HERC3: variants seen among roughly 807,000 people sequenced by gnomAD.
HERC3 encodes the protein HECT and RLD domain containing E3 ubiquitin protein ligase 3.
A neutral mutation model predicts 129.9 loss-of-function variants in HERC3; 58 were observed. The ratio of observed to expected loss-of-function variants is 0.45; its 90% CI spans 0.36 to 0.56. The LOEUF is 0.56. HERC3 is among the 20% of genes least tolerant of loss of function. The probability of loss-of-function intolerance (pLI) is 0.00; values close to 1 mark genes in which losing one functional copy is unlikely to be tolerated. For synonymous variants in HERC3, 430 were observed against 451.0 expected (o/e 0.95, Z 0.59); for missense variants, 835 against 1,244.2 (o/e 0.67, Z 4.95).
At chr4:88,627,818 C>T (rs543458519) in intron 3 of HERC3, among the ~76,000 whole-genome samples, 1 of 149,612 alleles carries the variant, frequency 6.7e-6, no homozygotes, top group African/African-American at 2.5e-5. Context: ...GCTGGAGAAT[C>T]GCTTGAACCT....
intron 23 of HERC3, chr4:88,690,008 A>G: frequency 3.0e-6 from 3 of 985,360 alleles, no homozygotes; most frequent in Non-Finnish European, 3.6e-6. Context: ...AGTGAGCTAT[A>G]GTATCAGAGT....
chr4:88,697,779 T>C, intron 23 of HERC3: 1 of 1,568,510 alleles, frequency 6.4e-7, no homozygotes, highest in East Asian at 2.3e-5. Flanking sequence ...CGCAGAGGTC[T>C]AGGAGGGCTC....
the HERC3 span, among the ~76,000 whole-genome samples, chr4:88,545,538 T>G: frequency 6.6e-6 from 1 of 150,850 alleles, no homozygotes; most frequent in East Asian, 2.0e-4. Flanking sequence ...ACTCGAGTGA[T>G]CCTACCACTT....
intron 7 of HERC3, 150 bp downstream of exon 7, chr4:88,654,283 A>T: frequency 2.3e-6 from 1 of 433,886 alleles, no homozygotes; most frequent in Non-Finnish European, 4.0e-6. Context: ...TGTTTTCCAA[A>T]GGAATAGAAA....
At chr4:88,692,846 G>T (rs147705617) in intron 23 of HERC3, 1 of 971,358 alleles carries the variant, frequency 1.0e-6, no homozygotes, top group African/African-American at 1.8e-5. Context: ...CCAGCATATG[G>T]CCTCTCAGGG....
the HERC3 span, among the ~76,000 whole-genome samples, chr4:88,572,728 G>A: frequency 2.0e-5 from 3 of 151,156 alleles, no homozygotes; most frequent in African/African-American, 7.3e-5. Flanking sequence ...GGAATTGCTT[G>A]AACTCAGGAG....
At chr4:88,689,061 T>C (rs1277188718) in intron 23 of HERC3, among the ~76,000 whole-genome samples, 1 of 152,204 alleles carries the variant, frequency 6.6e-6, no homozygotes, top group African/African-American at 2.4e-5. Flanking sequence ...AGATGCTGTT[T>C]GTACGCATGC....
At chr4:88,628,945 G>A (rs952153060) in intron 3 of HERC3, among the ~76,000 whole-genome samples, 5 of 152,274 alleles carry the variant, frequency 3.3e-5, no homozygotes, top group Admixed American at 1.3e-4. Context: ...AGGCCGAGGC[G>A]GTTGCATTGC....
chr4:88,532,665 C>T, the HERC3 span, among the ~76,000 whole-genome samples: 512 of 152,246 alleles, frequency 3.4e-3, 5 homozygotes, highest in Non-Finnish European at 6.1e-3. Context: ...ATAAAACTAA[C>T]CATCACATTG....
rs749917397 is a variant in HERC3, at chr4:88,687,187, A to G, written c.2575-30A>G. 5.2e-6 allele frequency: 8 copies of G among 1,544,760 alleles called. No individual in the cohort carries two copies. The African/African-American group carries it at 5.5e-5, about 11-fold the overall frequency. ...GAAAGATGAATGGTTAACAAAATTGAAATATTTCTTTTTTCCACCTTAAAT... is the reference window on the plus strand; with the variant it reads ...GAAAGATGAATGGTTAACAAAATTGGAATATTTCTTTTTTCCACCTTAAAT... On this transcript the variant is annotated intron_variant, in intron 22 of 25. Transcript: ENST00000402738.
chr4:88,688,941 G>T (rs758301581), intron 23 of HERC3, among the ~76,000 whole-genome samples: 1 of 152,164 alleles, frequency 6.6e-6, no homozygotes, highest in Admixed American at 6.6e-5. Flanking sequence ...AGGAAAGAGC[G>T]GGTAGGGGGT....
chr4:88,579,910 C>T, the HERC3 span, among the ~76,000 whole-genome samples: 62 of 152,200 alleles, frequency 4.1e-4, no homozygotes, highest in African/African-American at 1.5e-3. Flanking sequence ...CTTCTAAAAG[C>T]TGGAAAAGGC....
chr4:88,631,703 A>C (rs1174350543), intron 3 of HERC3, among the ~76,000 whole-genome samples: 1 of 152,206 alleles, frequency 6.6e-6, no homozygotes, highest in Non-Finnish European at 1.5e-5. Flanking sequence ...AGTTTTTGAA[A>C]CATTCATGGG....
chr4:88,674,418 C>T (rs1453673420), intron 16 of HERC3, among the ~76,000 whole-genome samples: 2 of 152,212 alleles, frequency 1.3e-5, no homozygotes, highest in Non-Finnish European at 2.9e-5. Context: ...TTTATTATCA[C>T]TTCTTCCACA....
At chr4:88,700,173 A>T in intron 23 of HERC3, among the ~76,000 whole-genome samples, 1 of 149,476 alleles carries the variant, frequency 6.7e-6, no homozygotes. Context: ...ATTATTTTTT[A>T]TTTTACTTTT....
intron 3 of HERC3, among the ~76,000 whole-genome samples, chr4:88,632,358 C>T (rs905422690): frequency 6.6e-6 from 1 of 152,200 alleles, no homozygotes; most frequent in African/African-American, 2.4e-5. Flanking sequence ...AATCTTGTAA[C>T]GTAATATCCA....
rs576278916 is a variant in HERC3, at chr4:88,628,459, G to T, written c.227-21381G>T. Among the ~76,000 whole-genome samples, 7 of 151,890 alleles carry T rather than the reference G, an allele frequency of 4.6e-5. No homozygotes were observed. In the South Asian group the frequency reaches 1.5e-3, roughly 32 times the overall value. On this transcript the variant is annotated intron_variant, in intron 3 of 25. Transcript: ENST00000402738. ...GTTTTTTTTTAAAAGGCAGCATATAGTTGTGTCTCCCACATTCATCCAACC... is the reference window on the plus strand; with the variant it reads ...GTTTTTTTTTAAAAGGCAGCATATATTTGTGTCTCCCACATTCATCCAACC...
At chr4:88,589,494 A>G (rs752586336), upstream of HERC3, among the ~76,000 whole-genome samples, 4 of 152,174 alleles carry the variant, frequency 2.6e-5, no homozygotes, top group Admixed American at 6.5e-5. Flanking sequence ...CTCCCCTTTC[A>G]TGGCAACAAA....
At chr4:88,540,177 A>T in the HERC3 span, among the ~76,000 whole-genome samples, 2 of 152,220 alleles carry the variant, frequency 1.3e-5, no homozygotes, top group Admixed American at 6.5e-5. Context: ...CATCACAAGG[A>T]GGTTAAAAAT....
Sources: allele counts gnomAD v4.1 joint callset (sites outside exome capture counted in the v4.1 genomes callset), GRCh38; gene constraint gnomAD v4.1.1; transcripts MANE v1.5; gene names NCBI Gene and HGNC (gene_info 2026-07-23, HGNC 2026-07-21).